The following GALNTL6 variants were observed in gnomAD, a reference collection of about 807,000 sequenced individuals.
GALNTL6 encodes polypeptide N-acetylgalactosaminyltransferase like 6, also known as polypeptide N-acetylgalactosaminyltransferase-like 6.
GALNTL6 carries 46 observed loss-of-function variants against 73.7 expected under a neutral mutation model. That is an observed-to-expected ratio of 0.62 (90% CI 0.49 to 0.80). The LOEUF (loss-of-function observed/expected upper bound fraction) is 0.80, where lower values mean the gene tolerates loss of function less well. Ranked by LOEUF, GALNTL6 falls within the 30% of genes least tolerant of loss-of-function variation. The pLI, the probability that GALNTL6 is intolerant of heterozygous loss-of-function variation, is 0.00. For synonymous variants in GALNTL6, 259 were observed against 263.7 expected, an observed-to-expected ratio of 0.98 and a Z score of 0.17; for missense variants, 604 against 755.0, an observed-to-expected ratio of 0.80 and a Z score of 2.34.
Position 172,419,437 on chromosome 4 carries a change from T to G in GALNTL6, c.553+70748T>G, listed in dbSNP as rs147888229. On this transcript the variant is annotated intron_variant, in intron 5 of 12. Transcript: ENST00000506823. ...TATTTTAGTTATAATTTATTGGATA[T>G]TTTCGATTTCTTTCTTTCAAAGACA... Among the ~76,000 whole-genome samples the G allele has an allele frequency of 5.2e-3, 793 of 152,300 alleles. 8 individuals are homozygous for G. Among genetic ancestry groups the G allele is most frequent in the African/African-American group, 0.018 (755 of 41,564 alleles).
At chr4:172,455,763 G>T (rs1335106502) in intron 5 of GALNTL6, among the ~76,000 whole-genome samples, 1 of 152,186 alleles carries the variant, frequency 6.6e-6, no homozygotes, top group Non-Finnish European at 1.5e-5. Flanking sequence ...GGGCAGCTGT[G>T]CACGCAGCTT....
At position 172,435,725 on chromosome 4, in the gene GALNTL6, A is replaced by G. The variant is rs141139872; in HGVS notation, c.553+87036A>G. On this transcript the variant is annotated intron_variant, in intron 5 of 12. Coordinates refer to ENST00000506823, the MANE Select transcript of GALNTL6 (RefSeq NM_001034845.3). ...TTATATTAGTTATTGTACATGGGAT[A>G]TAACGAGTGGTTTTCCTTTAACCTA... Among the ~76,000 whole-genome samples the G allele has an allele frequency of 8.9e-4, 136 of 152,310 alleles. 1 individual carries two copies. The highest frequency in any genetic ancestry group is 3.2e-3 in the African/African-American group (131 of 41,584).
rs202011123 is a variant in GALNTL6, at chr4:172,095,543, GT to G, written c.139-134108del. Among the ~76,000 whole-genome samples the G allele has an allele frequency of 7.6e-4, 116 of 152,286 alleles. No individual in the cohort carries two copies. In the East Asian group the frequency reaches 0.022, roughly 29 times the overall value. On this transcript the variant is annotated intron_variant, in intron 2 of 12. Coordinates refer to ENST00000506823, the MANE Select transcript of GALNTL6 (RefSeq NM_001034845.3). Reference sequence around the variant, plus strand: ...TATTTGCGTGTGTGTTTGTGTGTTTGTTTTTGGCAGGTGAGTCTCCCTCTAG... The same window carrying G: ...TATTTGCGTGTGTGTTTGTGTGTTTGTTTTGGCAGGTGAGTCTCCCTCTAG...
At chr4:172,221,586 TA>T (rs1376324435) in intron 2 of GALNTL6, among the ~76,000 whole-genome samples, 1 of 151,660 alleles carries the variant, frequency 6.6e-6, no homozygotes, top group Non-Finnish European at 1.5e-5. Context: ...TCTTCACCCT[TA>T]GGAATCACAA....
intron 2 of GALNTL6, among the ~76,000 whole-genome samples, chr4:172,181,940 A>G (rs1390373934): frequency 6.6e-6 from 1 of 151,868 alleles, no homozygotes; most frequent in African/African-American, 2.4e-5. Flanking sequence ...GATGGTCTCT[A>G]TCTCCTGACC....
chr4:171,832,316 A>T (rs1734996563), intron 2 of GALNTL6, among the ~76,000 whole-genome samples: 1 of 151,352 alleles, frequency 6.6e-6, no homozygotes, highest in African/African-American at 2.4e-5. Context: ...TTTGTATCTC[A>T]AACTTTAAAT....
At chr4:172,934,751 G>T (rs1748520901) in intron 9 of GALNTL6, among the ~76,000 whole-genome samples, 1 of 152,208 alleles carries the variant, frequency 6.6e-6, no homozygotes, top group African/African-American at 2.4e-5. Flanking sequence ...GGGCTGTGGT[G>T]ACAATCATCC....
intron 5 of GALNTL6, among the ~76,000 whole-genome samples, chr4:172,379,614 G>A (rs1215592655): frequency 4.1e-5 from 6 of 147,908 alleles, no homozygotes; most frequent in African/African-American, 1.5e-4. Context: ...AGGTGGGAAA[G>A]GAGCTCATAA....
At chr4:172,017,584 C>CA (rs887288567) in intron 2 of GALNTL6, among the ~76,000 whole-genome samples, 1 of 152,088 alleles carries the variant, frequency 6.6e-6, no homozygotes, top group Non-Finnish European at 1.5e-5. Context: ...GGTACCGGTG[C>CA]AGACGTTCCC....
chr4:172,144,225 A>G (rs569461719), intron 2 of GALNTL6, among the ~76,000 whole-genome samples: 2 of 152,324 alleles, frequency 1.3e-5, no homozygotes, highest in African/African-American at 4.8e-5. Context: ...TTTCTGAAGT[A>G]AATTGGTGGC....
chr4:172,103,985 C>T (rs1732601292), intron 2 of GALNTL6, among the ~76,000 whole-genome samples: 1 of 151,380 alleles, frequency 6.6e-6, no homozygotes, highest in Admixed American at 6.6e-5. Flanking sequence ...GCTCTTTTGC[C>T]CAGGCTGGGC....
chr4:171,953,629 GGAAA>G (rs1320583330), intron 2 of GALNTL6, among the ~76,000 whole-genome samples: 1 of 151,976 alleles, frequency 6.6e-6, no homozygotes, highest in East Asian at 1.9e-4. Flanking sequence ...CTTTAGTTTT[GGAAA>G]GAATCTCCTA....
intron 5 of GALNTL6, among the ~76,000 whole-genome samples, chr4:172,362,577 T>C (rs1359177584): frequency 6.6e-6 from 1 of 152,060 alleles, no homozygotes; most frequent in Admixed American, 6.6e-5. Context: ...CAACTCATAA[T>C]TGTGCACACT....
chr4:171,969,490 G>A (rs938304441), intron 2 of GALNTL6, among the ~76,000 whole-genome samples: 1 of 152,180 alleles, frequency 6.6e-6, no homozygotes, highest in Non-Finnish European at 1.5e-5. Flanking sequence ...AAATGGCATA[G>A]GAGGTATTTC....
At chr4:172,952,726 G>T (rs1398817284) in intron 10 of GALNTL6, among the ~76,000 whole-genome samples, 1 of 152,178 alleles carries the variant, frequency 6.6e-6, no homozygotes, top group Non-Finnish European at 1.5e-5. Context: ...ATTTTGGCCA[G>T]GCTAGTCTCA....
intron 8 of GALNTL6, among the ~76,000 whole-genome samples, chr4:172,889,985 T>A (rs1230368338): frequency 3.3e-5 from 5 of 152,024 alleles, no homozygotes; most frequent in African/African-American, 9.7e-5. Flanking sequence ...ATCTTGGGAG[T>A]CTGTGTACTT....
At chr4:171,899,588 T>C (rs960308014) in intron 2 of GALNTL6, among the ~76,000 whole-genome samples, 4 of 152,192 alleles carry the variant, frequency 2.6e-5, no homozygotes, top group Non-Finnish European at 4.4e-5. Context: ...CTCAGACATA[T>C]GCTTTCCTGA....
At chr4:172,328,939 A>G (rs1578960229) in intron 4 of GALNTL6, among the ~76,000 whole-genome samples, 1 of 152,138 alleles carries the variant, frequency 6.6e-6, no homozygotes, top group East Asian at 1.9e-4. Context: ...CACTCTGGCC[A>G]TTTGAGCTGC....
At chr4:172,786,173 G>A (rs1739645911) in intron 5 of GALNTL6, among the ~76,000 whole-genome samples, 1 of 151,704 alleles carries the variant, frequency 6.6e-6, no homozygotes, top group Non-Finnish European at 1.5e-5. Flanking sequence ...TCAGCTGGCT[G>A]GCTGCCAGTC....
Sources: gnomAD v4.1 joint callset for allele counts (sites outside exome capture counted in the v4.1 genomes callset) on GRCh38, gnomAD v4.1.1 for gene constraint, MANE v1.5 for transcripts, NCBI Gene and HGNC (gene_info 2026-07-23, HGNC 2026-07-21) for gene names.